Variants in AFG2B observed in about 807,000 individuals in gnomAD.
AFG2B encodes AAA ATPase AFG2B, also known as ATPase family gene 2 protein homolog B.
At chr15:45,403,271 A>T in the AFG2B span, 3 of 1,590,520 alleles carry the variant, frequency 1.9e-6, no homozygotes, top group Admixed American at 5.3e-5. Context: ...ACCGAGGAGA[A>T]CGTGCGGCGG....
At chr15:45,414,444 G>T in the AFG2B span, 1 of 793,370 alleles carries the variant, frequency 1.3e-6, no homozygotes, top group Admixed American at 2.3e-5. Flanking sequence ...TCTGCAGTGT[G>T]GAGAATGGAC....
chr15:45,409,033 A>G, the AFG2B span, among the ~76,000 whole-genome samples: 2 of 152,178 alleles, frequency 1.3e-5, no homozygotes, highest in Non-Finnish European at 2.9e-5. Flanking sequence ...TAGTTAACAC[A>G]GTAATGAATG....
the AFG2B span, chr15:45,417,636 G>A: frequency 2.5e-6 from 1 of 400,640 alleles, no homozygotes; most frequent in Non-Finnish European, 4.5e-6. Flanking sequence ...TAAATACTGA[G>A]TCTACTCAGC....
chr15:45,411,038 CT>C, the AFG2B span, among the ~76,000 whole-genome samples: 1 of 152,076 alleles, frequency 6.6e-6, no homozygotes, highest in African/African-American at 2.4e-5. Context: ...CCCGTCTCTA[CT>C]AAAAATACAA....
the AFG2B span, chr15:45,414,798 T>C: frequency 6.3e-7 from 1 of 1,593,420 alleles, no homozygotes; most frequent in Non-Finnish European, 8.6e-7. Context: ...TATTTCCCCA[T>C]ATGTTTAAAT....
At chr15:45,421,279 A>C in the AFG2B span, 1 of 1,083,534 alleles carries the variant, frequency 9.2e-7, no homozygotes, top group Non-Finnish European at 1.3e-6. Context: ...TTGCAACTTC[A>C]CACTTTTAGA....
chr15:45,415,663 C>T, the AFG2B span: 3,004 of 1,614,122 alleles, frequency 1.9e-3, 27 homozygotes, highest in Non-Finnish European at 1.6e-3. Context: ...GGAGCTCGCT[C>T]AGCCAGCAAG....
At chr15:45,409,992 G>T in the AFG2B span, among the ~76,000 whole-genome samples, 1 of 152,334 alleles carries the variant, frequency 6.6e-6, no homozygotes, top group East Asian at 1.9e-4. Context: ...ATTCAGTAGT[G>T]TATTATGGAA....
the AFG2B span, chr15:45,403,414 C>T: frequency 0.028 from 44,451 of 1,609,686 alleles, 8,924 homozygotes; most frequent in African/African-American, 0.48. Context: ...GTTGACGCTG[C>T]TGGACGGCGC....
the AFG2B span, among the ~76,000 whole-genome samples, chr15:45,412,517 C>A: frequency 6.6e-6 from 1 of 152,170 alleles, no homozygotes; most frequent in Non-Finnish European, 1.5e-5. Context: ...TCACCTCTGC[C>A]GTTGTAGCAC....
chr15:45,416,474 C>T, the AFG2B span, among the ~76,000 whole-genome samples: 1 of 152,304 alleles, frequency 6.6e-6, no homozygotes, highest in East Asian at 1.9e-4. Context: ...ATTCCTCTCT[C>T]GTTCTCATTC....
chr15:45,407,457 G>A, the AFG2B span, among the ~76,000 whole-genome samples: 1 of 152,188 alleles, frequency 6.6e-6, no homozygotes, highest in Non-Finnish European at 1.5e-5. Flanking sequence ...AACTATAAAT[G>A]AGATTTTCAA....
At chr15:45,404,807 CAAAAAAA>C in the AFG2B span, among the ~76,000 whole-genome samples, 3 of 93,952 alleles carry the variant, frequency 3.2e-5, no homozygotes, top group African/African-American at 9.7e-5. Flanking sequence ...AACTGTGTCT[CAAAAAAA>C]AAAAAAAAAG....
At chr15:45,402,500 G>C in the AFG2B span, 3 of 1,608,564 alleles carry the variant, frequency 1.9e-6, no homozygotes, top group Non-Finnish European at 2.5e-6. Context: ...GCTAGAGACC[G>C]GGGCACCCAG....
the AFG2B span, among the ~76,000 whole-genome samples, chr15:45,407,852 C>CA: frequency 5.3e-5 from 8 of 150,752 alleles, no homozygotes; most frequent in East Asian, 3.9e-4. Context: ...TTTTAACTAA[C>CA]AAAAAAAAAT....
chr15:45,411,685 T>C, the AFG2B span, among the ~76,000 whole-genome samples: 2 of 152,040 alleles, frequency 1.3e-5, no homozygotes, highest in African/African-American at 4.8e-5. Flanking sequence ...CTCAGGAGGA[T>C]CACTTGAGGC....
chr15:45,405,537 T>TA, the AFG2B span: 1 of 1,594,624 alleles, frequency 6.3e-7, no homozygotes, highest in Non-Finnish European at 8.6e-7. Context: ...ACATCTATGT[T>TA]AATCTATTAT....
chr15:45,402,750 G>C, the AFG2B span: 1 of 1,572,764 alleles, frequency 6.4e-7, no homozygotes, highest in Non-Finnish European at 8.6e-7. Context: ...GTCCGCCCCT[G>C]CGGCGCGTCG....
the AFG2B span, among the ~76,000 whole-genome samples, chr15:45,412,625 T>G: frequency 6.6e-6 from 1 of 152,246 alleles, no homozygotes; most frequent in Non-Finnish European, 1.5e-5. Context: ...AAATATTCTT[T>G]TGATTTTTTT....
Sources: gnomAD v4.1 joint callset for allele counts (sites outside exome capture counted in the v4.1 genomes callset) on GRCh38, gnomAD v4.1.1 for gene constraint, MANE v1.5 for transcripts, NCBI Gene and HGNC (gene_info 2026-07-23, HGNC 2026-07-21) for gene names.